MARCHF1: variants seen among roughly 807,000 people sequenced by gnomAD.
MARCHF1 encodes E3 ubiquitin-protein ligase MARCHF1.
MARCHF1 carries 40 observed loss-of-function variants against 54.2 expected under a neutral mutation model. That is an observed-to-expected ratio of 0.74 (90% CI 0.57 to 0.96). The LOEUF (loss-of-function observed/expected upper bound fraction) is 0.96, where lower values mean the gene tolerates loss of function less well. MARCHF1 is among the 40% of genes least tolerant of loss of function. The pLI is 0.00. For synonymous variants in MARCHF1, 236 were observed against 236.3 expected (o/e 1.00, Z 0.01); for missense variants, 586 against 656.5 (o/e 0.89, Z 1.17).
rs181856685 is a variant in MARCHF1, at chr4:163,708,586, T to C, written c.112-7723A>G. ...GATTTCCATAAGGTAACTTCGAGAG[T>C]GAAAAGTAAAATAAGAAGTGATAAA... On this transcript the variant is annotated intron_variant, in intron 4 of 9. Transcript: ENST00000514618. Among the ~76,000 whole-genome samples the C allele has an allele frequency of 1.5e-3, 231 of 152,024 alleles. 1 individual carries two copies. Among genetic ancestry groups the C allele is most frequent in the African/African-American group, 5.5e-3 (227 of 41,466 alleles).
At chr4:164,197,820 T>C in intron 1 of MARCHF1, 3 of 1,536,676 alleles carry the variant, frequency 2.0e-6, no homozygotes, top group Non-Finnish European at 2.6e-6. Flanking sequence ...CCAGCTCCGC[T>C]CGGTTCTCGA....
At chr4:164,188,723 C>A (rs1156675106) in intron 1 of MARCHF1, 3 of 1,039,040 alleles carry the variant, frequency 2.9e-6, no homozygotes, top group South Asian at 1.3e-5. Flanking sequence ...CAAGTTCTTG[C>A]GGTTCAAGGT....
At chr4:164,211,875 A>C (rs1731783983) in intron 1 of MARCHF1, among the ~76,000 whole-genome samples, 1 of 152,172 alleles carries the variant, frequency 6.6e-6, no homozygotes, top group African/African-American at 2.4e-5. Flanking sequence ...AAGTAAATTT[A>C]AATGAATATT....
chr4:163,823,184 C>T (rs1303586657), intron 4 of MARCHF1, among the ~76,000 whole-genome samples: 1 of 151,692 alleles, frequency 6.6e-6, no homozygotes, highest in Non-Finnish European at 1.5e-5. Context: ...TGATATCTGA[C>T]ATTTGTGTCA....
intron 5 of MARCHF1, among the ~76,000 whole-genome samples, chr4:163,641,279 A>G (rs1441121589): frequency 1.3e-5 from 2 of 152,152 alleles, no homozygotes; most frequent in South Asian, 4.1e-4. Context: ...TTGATTGACA[A>G]CGCATAGGGA....
chr4:163,873,444 C>T (rs1001046703), intron 3 of MARCHF1, among the ~76,000 whole-genome samples: 1 of 152,188 alleles, frequency 6.6e-6, no homozygotes, highest in African/African-American at 2.4e-5. Context: ...TTCCTAATGC[C>T]TCTGTTTATC....
chr4:164,383,888 C>G lies in MARCHF1; in HGVS notation c.-341G>C, dbSNP rs897644456. 6 of 152,388 alleles carry G rather than the reference C, an allele frequency of 3.9e-5. No homozygotes were observed. The highest frequency in any genetic ancestry group is 7.3e-5 in the Non-Finnish European group (5 of 68,242). 9.4% of individuals were successfully genotyped at this position (152,388 alleles called of 1,614,324 possible). A position where few individuals can be genotyped will look rare whatever the true frequency, so the allele number is the denominator to read the frequency against. ...CACTTACCGGCGGAGGGTGAAGTAG[C>G]TCAGGCGGCCGCCAGGCTGCGTGCG... On this transcript the variant is annotated 5_prime_UTR_variant, in exon 1 of 10. Transcript: ENST00000514618.
At chr4:163,915,884 T>C (rs72685688) in intron 3 of MARCHF1, among the ~76,000 whole-genome samples, 13,740 of 152,214 alleles carry the variant, frequency 0.09, 743 homozygotes, top group Non-Finnish European at 0.12. Context: ...TGTAAGAGCT[T>C]TCCTTGATTT....
chr4:163,647,966 G>A (rs1161191105), intron 5 of MARCHF1, among the ~76,000 whole-genome samples: 1 of 151,110 alleles, frequency 6.6e-6, no homozygotes, highest in African/African-American at 2.4e-5. Flanking sequence ...ATGAAGAGTT[G>A]GTTTTTTAAA....
intron 8 of MARCHF1, among the ~76,000 whole-genome samples, chr4:163,582,111 T>G (rs1003011056): frequency 6.6e-6 from 1 of 152,186 alleles, no homozygotes; most frequent in African/African-American, 2.4e-5. Context: ...TCCATGCAAT[T>G]CTTCAGCTTC....
At chr4:163,848,124 A>G (rs1031027649) in intron 4 of MARCHF1, among the ~76,000 whole-genome samples, 2 of 152,160 alleles carry the variant, frequency 1.3e-5, no homozygotes, top group South Asian at 2.1e-4. Flanking sequence ...GAAAAGTTGT[A>G]TATGTCTGAT....
chr4:163,937,435 C>G (rs4538436), intron 3 of MARCHF1, among the ~76,000 whole-genome samples: 2,818 of 151,884 alleles, frequency 0.019, 47 homozygotes, highest in South Asian at 0.046. Context: ...GAACTCAAAT[C>G]TTTACTCCTA....
intron 7 of MARCHF1, among the ~76,000 whole-genome samples, chr4:163,598,000 C>T (rs1381837472): frequency 6.6e-6 from 1 of 152,158 alleles, no homozygotes; most frequent in Non-Finnish European, 1.5e-5. Context: ...TTCAGATACA[C>T]CAATATTCTA....
chr4:163,671,528 T>C (rs1230343805), intron 5 of MARCHF1, among the ~76,000 whole-genome samples: 3 of 152,180 alleles, frequency 2.0e-5, no homozygotes, highest in Non-Finnish European at 4.4e-5. Flanking sequence ...ACTCTGATAG[T>C]TTTTTGTGTC....
intron 3 of MARCHF1, among the ~76,000 whole-genome samples, chr4:163,864,797 G>T (rs1258080015): frequency 6.6e-6 from 1 of 151,810 alleles, no homozygotes. Context: ...GTGTCCAAAG[G>T]CTAATTAATG....
At chr4:164,019,932 G>A (rs144387961) in intron 2 of MARCHF1, among the ~76,000 whole-genome samples, 119 of 152,304 alleles carry the variant, frequency 7.8e-4, no homozygotes, top group African/African-American at 2.7e-3. Flanking sequence ...TCGGGAAAGA[G>A]TAGAACCATG....
intron 1 of MARCHF1, among the ~76,000 whole-genome samples, chr4:164,336,354 C>T (rs920216077): frequency 2.6e-5 from 4 of 152,118 alleles, no homozygotes; most frequent in Non-Finnish European, 5.9e-5. Context: ...TAGAATTTTG[C>T]CTTTTGGACT....
intron 3 of MARCHF1, chr4:163,932,652 G>A (rs191247914): frequency 6.4e-5 from 30 of 465,290 alleles, no homozygotes; most frequent in Admixed American, 2.2e-4. Flanking sequence ...CCTGCTTTCC[G>A]TGGCCTACAT....
chr4:164,185,786 A>G (rs1018982931), intron 1 of MARCHF1, among the ~76,000 whole-genome samples: 2 of 93,730 alleles, frequency 2.1e-5, no homozygotes, highest in African/African-American at 7.7e-5. Context: ...TATTAAAACT[A>G]GTCACACACA....
Sources: allele counts gnomAD v4.1 joint callset (sites outside exome capture counted in the v4.1 genomes callset), GRCh38; gene constraint gnomAD v4.1.1; transcripts MANE v1.5; gene names NCBI Gene and HGNC (gene_info 2026-07-23, HGNC 2026-07-21).